Variants in LPCAT4 observed in about 807,000 individuals in gnomAD.
LPCAT4 encodes lysophospholipid acyltransferase LPCAT4.
LPCAT4 carries 30 observed loss-of-function variants against 66.5 expected under a neutral mutation model. That is an observed-to-expected ratio of 0.45 (90% confidence interval 0.34 to 0.61). LPCAT4 has a LOEUF of 0.61. Ranked by LOEUF, LPCAT4 falls within the 20% of genes least tolerant of loss-of-function variation. LPCAT4 has a pLI of 0.01. For synonymous variants in LPCAT4, 253 were observed against 262.1 expected (o/e 0.97, Z 0.34); for missense variants, 557 against 656.7 (o/e 0.85, Z 1.66).
rs1163906625 is a variant in LPCAT4, at chr15:34,365,633, G to A, written c.183C>T (p.Leu61=). 5 of 1,614,244 alleles carry A rather than the reference G, an allele frequency of 3.1e-6. No homozygotes were observed. The highest frequency in any genetic ancestry group is 4.2e-6 in the Non-Finnish European group (5 of 1,180,048). Residue 61 remains leucine (L), a synonymous_variant, in exon 2 of 14, where the codon CTC becomes CTT. Coordinates refer to ENST00000314891, the MANE Select transcript of LPCAT4 (RefSeq NM_153613.3). ...VLLAFIVLFL[L]WPFAWLQVAG... is the part of the protein sequence containing the mutation. ...CCACTTGAAGCCAGGCAAAGGGCCA[G>A]AGGAGAAAGAGGACGATAAAGGCCA...
At chr15:34,362,457 G>A in intron 9 of LPCAT4, 116 bp downstream of exon 9, 2 of 1,411,112 alleles carry the variant, frequency 1.4e-6, no homozygotes, top group Non-Finnish European at 9.7e-7. Flanking sequence ...AGCTGTTCAA[G>A]AGCCCTTCCC....
intron 11 of LPCAT4, among the ~76,000 whole-genome samples, chr15:34,360,742 G>A (rs1890922856): frequency 6.6e-6 from 1 of 152,318 alleles, no homozygotes; most frequent in African/African-American, 2.4e-5. Context: ...TCAATCTAAG[G>A]AATCTAGATA....
At chr15:34,361,135 C>T (rs1595618496) in intron 11 of LPCAT4, 2 of 1,250,066 alleles carry the variant, frequency 1.6e-6, no homozygotes, top group East Asian at 7.7e-5. Context: ...CTTCGCCACT[C>T]TCTAAAGTGG....
Position 34,363,581 on chromosome 15 carries a change from A to C in LPCAT4, c.711+80T>G. 6.2e-7 allele frequency: 1 copy of C among 1,601,672 alleles called. No individual in the cohort carries two copies. Among genetic ancestry groups the C allele is most frequent in the Non-Finnish European group, 8.6e-7 (1 of 1,168,788 alleles). ...CAGCCCCCAATGCACATCCCATTAAAGCACCAACAGTTTTCACTTATTTCC... is the reference window on the plus strand; with the variant it reads ...CAGCCCCCAATGCACATCCCATTAACGCACCAACAGTTTTCACTTATTTCC... On this transcript the variant is annotated intron_variant, in intron 6 of 13. Transcript: ENST00000314891. This position sits in a 1 kb window ranked among gnomAD's most constrained non-coding sequence, Gnocchi z 4.3.
At position 34,367,166 on chromosome 15, in the gene LPCAT4, G is replaced by C; in HGVS notation, c.-66C>G. 1 of 1,322,184 alleles carries C rather than the reference G, an allele frequency of 7.6e-7. No individual in the cohort carries two copies. The highest frequency in any genetic ancestry group is 9.8e-7 in the Non-Finnish European group (1 of 1,024,948). The allele number at this position is 1,322,184 out of a possible 1,614,324, so 81.9% of individuals were successfully genotyped here. On this transcript the variant is annotated 5_prime_UTR_variant, in exon 1 of 14. Transcript: ENST00000314891. ...CCGGCCACCACTCTGCAGAGCAGCTGCTGCTGCAGCAGCGGCGGCGGCGGC... is the reference window on the plus strand; with the variant it reads ...CCGGCCACCACTCTGCAGAGCAGCTCCTGCTGCAGCAGCGGCGGCGGCGGC...
intron 11 of LPCAT4, 103 bp downstream of exon 11, chr15:34,361,297 C>T: frequency 1.9e-6 from 3 of 1,545,888 alleles, no homozygotes; most frequent in Non-Finnish European, 2.6e-6. Flanking sequence ...TGAGAACATC[C>T]ACTGAGGACT....
chr15:34,363,703 C>A lies in LPCAT4; in HGVS notation c.669G>T (p.Gly223=), dbSNP rs767444238. 2.5e-6 allele frequency: 4 copies of A among 1,614,132 alleles called. No individual in the cohort carries two copies. The South Asian group carries it at 4.4e-5, about 18-fold the overall frequency. The change falls in exon 6 of 14, where the codon GGG becomes GGT. Residue 223 remains glycine, a synonymous_variant. Transcript: ENST00000314891. This position sits in a 1 kb window ranked among gnomAD's most constrained non-coding sequence, Gnocchi z 4.3. ...LKFKPGAFIA[G]VPVQPVLIRY... is the part of the protein sequence containing the mutation. The stretch of plus-strand genomic sequence containing the variant: ...GGATGAGGACAGGCTGCACAGGCAC[C>A]CCTGCGATGAAGGCTCCTAAATCCC...
chr15:34,360,527 G>T (rs554301906), intron 11 of LPCAT4, among the ~76,000 whole-genome samples: 1 of 152,244 alleles, frequency 6.6e-6, no homozygotes, highest in Admixed American at 6.5e-5. Context: ...TGGTCCCCAG[G>T]CTAGACAAAC....
rs1462235804 is a variant in LPCAT4, at chr15:34,364,035, C to G, written c.630G>C (p.Lys210Asn). 1 of 1,613,038 alleles carries G rather than the reference C, an allele frequency of 6.2e-7. No individual in the cohort carries two copies. Among genetic ancestry groups the G allele is most frequent in the African/African-American group, 1.3e-5 (1 of 74,914 alleles). ...CACCTGGTTTGAACTTAAGCAAAGC[C>G]TTCTTGTTGGAACAGGTGCCCTCAG... ...FFPEGTCSNK[K>N]ALLKFKPGAF... The change falls in exon 5 of 14, where the codon AAG becomes AAC. Residue 210 changes from lysine to asparagine, a missense_variant. Coordinates refer to ENST00000314891, the MANE Select transcript of LPCAT4 (RefSeq NM_153613.3).
rs1366421350 is a variant in LPCAT4, at chr15:34,358,724, G to C, written c.*403C>G. 1.3e-5 allele frequency: 2 copies of C among 153,568 alleles called. No homozygotes were observed. Among genetic ancestry groups the C allele is most frequent in the African/African-American group, 4.8e-5 (2 of 41,456 alleles). The allele number at this position is 153,568 out of a possible 1,614,324, so 9.5% of individuals were successfully genotyped here. On this transcript the variant is annotated 3_prime_UTR_variant, in exon 14 of 14. Coordinates refer to ENST00000314891, the MANE Select transcript of LPCAT4 (RefSeq NM_153613.3). The stretch of plus-strand genomic sequence containing the variant: ...CTGTTAAAATGTACATATAGGAGAT[G>C]ACAGCAGGAGGGAGGATATGGAACC...
In LPCAT4 at chr15:34,365,224, C is replaced by G; in HGVS notation, c.262G>C (p.Val88Leu). 1 of 1,602,730 alleles carries G rather than the reference C, an allele frequency of 6.2e-7. No individual in the cohort carries two copies. The highest frequency in any genetic ancestry group is 8.5e-7 in the Non-Finnish European group (1 of 1,175,122). ...QEPITGWRKT[V>L]CHNGVLGLSR... ...AGGCCTAGCACCCCGTTGTGGCACACAGTCCTGCCAGGGCAAGGCTGGGTA... is the reference window on the plus strand; with the variant it reads ...AGGCCTAGCACCCCGTTGTGGCACAGAGTCCTGCCAGGGCAAGGCTGGGTA... The change falls in exon 3 of 14, where the codon GTG (valine) becomes CTG (leucine). Residue 88 changes from valine to leucine, a missense_variant. Val to Leu is a conservative substitution (Grantham distance 32). Coordinates refer to ENST00000314891, the MANE Select transcript of LPCAT4 (RefSeq NM_153613.3).
At chr15:34,362,156 C>CTG (rs1555395506) in intron 10 of LPCAT4, 40 bp downstream of exon 10, 1 of 1,611,938 alleles carries the variant, frequency 6.2e-7, no homozygotes, top group Admixed American at 1.7e-5. Flanking sequence ...CTCTCTCTCT[C>CTG]TGTGACACTG....
intron 11 of LPCAT4, chr15:34,361,188 C>T: frequency 7.0e-7 from 1 of 1,419,044 alleles, no homozygotes; most frequent in Non-Finnish European, 9.2e-7. Flanking sequence ...CTCCCTTGTT[C>T]CTCCTCATGA....
chr15:34,361,665 TCA>T (rs1435129626), intron 10 of LPCAT4, 133 bp from the exon 11 acceptor site: 9 of 1,030,796 alleles, frequency 8.7e-6, no homozygotes, highest in Middle Eastern at 2.1e-4. Context: ...ATGTACTGAC[TCA>T]CAGTCCCTTG....
At position 34,359,170 on chromosome 15, in the gene LPCAT4, A is replaced by G; in HGVS notation, c.1532T>C (p.Leu511Pro). ...GGGTGCTTGCACAGTCCCATTGGCC[A>G]GAGCAGTGGGGTTGCCTGGGGATGA... ...NASSPGNPTA[L>P]ANGTVQAPKQ... Residue 511 changes from leucine (L) to proline (P), a missense_variant, in exon 14 of 14, where the codon CTG becomes CCG. Around this residue, in one of 4 missense-constraint regions of LPCAT4, gnomAD observed 392 missense variants for 473.9 expected, o/e 0.83. Coordinates refer to ENST00000314891, the MANE Select transcript of LPCAT4 (RefSeq NM_153613.3). 1 of 1,607,400 alleles carries G rather than the reference A, an allele frequency of 6.2e-7. No homozygotes were observed. Among genetic ancestry groups the G allele is most frequent in the Non-Finnish European group, 8.5e-7 (1 of 1,177,484 alleles).
chr15:34,362,625 C>T lies in LPCAT4; in HGVS notation c.832G>A (p.Glu278Lys). The T allele has an allele frequency of 1.3e-6, 2 of 1,585,138 alleles. No homozygotes were observed. Among genetic ancestry groups the T allele is most frequent in the Non-Finnish European group, 1.7e-6 (2 of 1,164,270 alleles). Residue 278 changes from glutamate to lysine, a missense_variant, in exon 9 of 14, where the codon GAG becomes AAG. By Grantham distance (56) the Glu-to-Lys change is moderately conservative. Coordinates refer to ENST00000314891, the MANE Select transcript of LPCAT4 (RefSeq NM_153613.3). ...FLPVYHPSPE[E>K]SRDPTLYANN... ...GCATAGAGGGTGGGGTCCCTGCTCT[C>T]CTCAGGGCTGGGGTGATACACAGGA...
Position 34,367,146 on chromosome 15 carries a change from C to A in LPCAT4, c.-46G>T. On this transcript the variant is annotated 5_prime_UTR_variant, in exon 1 of 14. Transcript: ENST00000314891. ...AGGGCACCCCGGCCCTGGCCCCGGC[C>A]ACCACTCTGCAGAGCAGCTGCTGCT... 6.8e-7 allele frequency: 1 copy of A among 1,478,216 alleles called. No homozygotes were observed. The allele number at this position is 1,478,216 out of a possible 1,614,324, so 91.6% of individuals were successfully genotyped here. A position where few individuals can be genotyped will look rare whatever the true frequency, so the allele number is the denominator to read the frequency against.
chr15:34,360,702 G>T (rs758820510), intron 11 of LPCAT4, among the ~76,000 whole-genome samples: 1 of 152,230 alleles, frequency 6.6e-6, no homozygotes, highest in Non-Finnish European at 1.5e-5. Context: ...CAGGCCAAGT[G>T]GGGGAAGCTC....
At position 34,363,893 on chromosome 15, in the gene LPCAT4, C is replaced by A; in HGVS notation, c.652+120G>T. ...CTTGACAGCATTAGCTAGGAGGTTC[C>A]TGGTCTCCCTTCCTCTCCCATCCCT... is the stretch of plus-strand genomic sequence containing the variant. On this transcript the variant is annotated intron_variant, in intron 5 of 13. Coordinates refer to ENST00000314891, the MANE Select transcript of LPCAT4 (RefSeq NM_153613.3). This position sits in a 1 kb window ranked among gnomAD's most constrained non-coding sequence, Gnocchi z 4.3. 1 of 1,297,770 alleles carries A rather than the reference C, an allele frequency of 7.7e-7. No individual in the cohort carries two copies. 80.4% of individuals were successfully genotyped at this position (1,297,770 alleles called of 1,614,324 possible). A position where few individuals can be genotyped will look rare whatever the true frequency, so the allele number is the denominator to read the frequency against.
Sources: allele counts gnomAD v4.1 joint callset (sites outside exome capture counted in the v4.1 genomes callset), GRCh38; gene constraint gnomAD v4.1.1; regional missense constraint gnomAD v4.1.1; non-coding constraint Gnocchi (gnomAD v3.1); transcripts MANE v1.5; gene names NCBI Gene and HGNC (gene_info 2026-07-23, HGNC 2026-07-21).